MED16: variants seen among roughly 807,000 people sequenced by gnomAD.
MED16 encodes mediator complex subunit 16, also known as mediator of RNA polymerase II transcription subunit 16.
MED16 carries 81 observed loss-of-function variants against 84.4 expected under a neutral mutation model. The observed-to-expected ratio is 0.96, with a 90% CI of 0.80 to 1.15. MED16 has a LOEUF of 1.15. MED16 is among the 50% of genes most tolerant of loss of function. The probability of loss-of-function intolerance (pLI) is 0.00; values close to 1 mark genes in which losing one functional copy is unlikely to be tolerated. For missense variants in MED16, 1,585 were observed against 1,245.9 expected, an observed-to-expected ratio of 1.27 and a Z score of -4.10; for synonymous variants, 897 against 552.2, an observed-to-expected ratio of 1.62 and a Z score of -8.76.
At chr19:877,206 G>A (rs1193118809) in intron 8 of MED16, 26 bp from the exon 9 acceptor site, 3 of 1,589,600 alleles carry the variant, frequency 1.9e-6, no homozygotes, top group Non-Finnish European at 2.6e-6. Flanking sequence ...CCCAAGGAGA[G>A]CCCGGTGAGA....
At chr19:887,027 C>T (rs749618820) in intron 4 of MED16, among the ~76,000 whole-genome samples, 1 of 149,920 alleles carries the variant, frequency 6.7e-6, no homozygotes, top group Admixed American at 6.7e-5. Context: ...TGCAGTGAGC[C>T]GAGATCACAC....
intron 3 of MED16, 63 bp from the exon 4 acceptor site, chr19:889,870 C>T (rs564333973): frequency 4.2e-5 from 63 of 1,517,744 alleles, no homozygotes; most frequent in South Asian, 1.9e-4. Context: ...CGTTGCAGGA[C>T]GGCACAGCGC....
At chr19:875,531 A>C (rs1039245644) in intron 9 of MED16, 77 bp from the exon 10 acceptor site, 1 of 1,215,520 alleles carries the variant, frequency 8.2e-7, no homozygotes, top group African/African-American at 1.5e-5. Context: ...GGAGAAGAGC[A>C]GTTCGACTCT....
chr19:869,897 G>A lies in MED16; in HGVS notation c.2316-951C>T, dbSNP rs181488625. The stretch of plus-strand genomic sequence containing the variant: ...CCTGACTCGGCCACTTCCTGACCGC[G>A]TGACCCCAGATGAGTGGGGTGACAA... On this transcript the variant is annotated intron_variant, in intron 13 of 15. Transcript: ENST00000325464. 1.4e-4 allele frequency among the ~76,000 whole-genome samples: 21 copies of A among 152,314 alleles called. No individual in the cohort carries two copies. In the East Asian group the frequency reaches 1.7e-3, roughly 13 times the overall value.
At chr19:874,171 T>C (rs575028234) in intron 10 of MED16, among the ~76,000 whole-genome samples, 4 of 151,988 alleles carry the variant, frequency 2.6e-5, no homozygotes, top group Non-Finnish European at 5.9e-5. Flanking sequence ...TGGAGTGCAG[T>C]GGGGTGATCT....
chr19:875,175 AAAAATAAATAAAAAT>A (rs1450384697), intron 10 of MED16, 54 bp downstream of exon 10: 1 of 1,126,942 alleles, frequency 8.9e-7, no homozygotes, highest in East Asian at 2.8e-5. Context: ...AAAGAGTAAA[AAAAATAAATAAAAAT>A]AAAATAAATA....
intron 8 of MED16, among the ~76,000 whole-genome samples, chr19:879,588 C>T (rs1300510044): frequency 6.4e-5 from 9 of 139,584 alleles, no homozygotes; most frequent in Non-Finnish European, 1.4e-4. Context: ...TGCCCAGCAG[C>T]TCACCTTCCC....
chr19:881,299 C>A (rs1408982490), intron 7 of MED16, among the ~76,000 whole-genome samples: 2 of 152,196 alleles, frequency 1.3e-5, no homozygotes, highest in South Asian at 2.1e-4. Flanking sequence ...CCCAGGCTCC[C>A]TTGTTGATTT....
intron 10 of MED16, among the ~76,000 whole-genome samples, 174 bp from the exon 11 acceptor site, chr19:873,756 G>A (rs981837231): frequency 6.6e-6 from 1 of 151,974 alleles, no homozygotes; most frequent in African/African-American, 2.4e-5. Context: ...GAGGAACTGG[G>A]AGCCCACTGC....
chr19:872,835 G>C, intron 11 of MED16: 1 of 471,000 alleles, frequency 2.1e-6, no homozygotes, highest in Non-Finnish European at 2.9e-6. Context: ...GTAGGGGTGG[G>C]GCTGAGAAGG....
At chr19:884,113 C>T (rs1196469795) in intron 6 of MED16, among the ~76,000 whole-genome samples, 2 of 152,202 alleles carry the variant, frequency 1.3e-5, no homozygotes, top group African/African-American at 4.8e-5. Context: ...CACGTGCCCC[C>T]ACGTCTGGCC....
intron 6 of MED16, among the ~76,000 whole-genome samples, chr19:882,819 T>A (rs928505044): frequency 1.3e-5 from 2 of 152,222 alleles, no homozygotes; most frequent in African/African-American, 4.8e-5. Flanking sequence ...ACCCGCATCA[T>A]GAGGTCTCTG....
At chr19:874,306 G>A (rs1367326017) in intron 10 of MED16, among the ~76,000 whole-genome samples, 2 of 152,098 alleles carry the variant, frequency 1.3e-5, no homozygotes, top group Non-Finnish European at 1.5e-5. Flanking sequence ...TAGAGACGGG[G>A]TTTCACCGTG....
chr19:885,672 GC>G, intron 5 of MED16, 97 bp downstream of exon 5: 1 of 1,380,298 alleles, frequency 7.2e-7, no homozygotes, highest in Non-Finnish European at 9.9e-7. Context: ...CCACGGTTTA[GC>G]CCGTGGAGGC....
intron 14 of MED16, 69 bp downstream of exon 14, chr19:868,794 G>A: frequency 6.8e-7 from 1 of 1,476,574 alleles, no homozygotes; most frequent in Non-Finnish European, 9.1e-7. Context: ...CGCTGGGTGG[G>A]GGCTAGAATC....
chr19:887,955 C>A (rs571731839), intron 4 of MED16, among the ~76,000 whole-genome samples: 1 of 152,166 alleles, frequency 6.6e-6, no homozygotes, highest in African/African-American at 2.4e-5. Context: ...GTCATCCCAG[C>A]ACTTTGGGAG....
chr19:870,506 G>A (rs1344876356), intron 13 of MED16, among the ~76,000 whole-genome samples: 3 of 151,636 alleles, frequency 2.0e-5, no homozygotes, highest in African/African-American at 7.3e-5. Flanking sequence ...CGTTGCAGTG[G>A]GCCAAGACGG....
intron 8 of MED16, among the ~76,000 whole-genome samples, chr19:877,946 T>C (rs1345219620): frequency 1.7e-4 from 17 of 98,048 alleles, no homozygotes; most frequent in Admixed American, 4.6e-4. Flanking sequence ...TGGTTGTCAA[T>C]GCCCACCAGC....
In MED16 at chr19:872,087, A is replaced by G; in HGVS notation, c.1937T>C (p.Leu646Pro). 1 of 1,608,760 alleles carries G rather than the reference A, an allele frequency of 6.2e-7. No individual in the cohort carries two copies. Among genetic ancestry groups the G allele is most frequent in the Non-Finnish European group, 8.5e-7 (1 of 1,177,806 alleles). Residue 646 changes from leucine (L) to proline (P), a missense_variant, in exon 12 of 16, where the codon CTG (leucine) becomes CCG (proline). Leu to Pro is a moderately conservative substitution (Grantham distance 98). Coordinates refer to ENST00000325464, the MANE Select transcript of MED16 (RefSeq NM_005481.3). ...GSLLRPGHSFLRDGTSLGMLR... is the reference protein window; with the variant it reads ...GSLLRPGHSFPRDGTSLGMLR... The stretch of plus-strand genomic sequence containing the variant: ...CATGCCCAGCGAGGTGCCGTCCCGC[A>G]GAAAGCTGTGGCCCGGCCTCAGCAG...
Sources: gnomAD v4.1 joint callset for allele counts (sites outside exome capture counted in the v4.1 genomes callset) on GRCh38, gnomAD v4.1.1 for gene constraint, MANE v1.5 for transcripts, NCBI Gene and HGNC (gene_info 2026-07-23, HGNC 2026-07-21) for gene names.